The following CA10 variants were observed in gnomAD, a reference collection of about 807,000 sequenced individuals.
CA10 encodes the protein carbonic anhydrase 10 (inactive), also known as carbonic anhydrase-related protein 10.
A neutral mutation model predicts 44.2 loss-of-function variants in CA10; 14 were observed. The observed-to-expected ratio is 0.32, with a 90% CI of 0.21 to 0.50. CA10 has a LOEUF of 0.50. CA10 is among the 20% of genes least tolerant of loss of function. The pLI, the probability that CA10 is intolerant of heterozygous loss-of-function variation, is 0.99. For missense variants in CA10, 350 were observed against 409.7 expected (o/e 0.85, Z 1.26); for synonymous variants, 159 against 141.6 (o/e 1.12, Z -0.87).
At chr17:52,137,428 C>T (rs1989384024) in intron 1 of CA10, among the ~76,000 whole-genome samples, 1 of 152,154 alleles carries the variant, frequency 6.6e-6, no homozygotes, top group African/African-American at 2.4e-5. Context: ...CAGCATAATG[C>T]TTTTATGCAT....
At chr17:51,633,401 G>T in intron 8 of CA10, 75 bp downstream of exon 8, 2 of 1,323,790 alleles carry the variant, frequency 1.5e-6, no homozygotes, top group Non-Finnish European at 2.1e-6. Context: ...ATAATGCCAG[G>T]CCTTTAAGAA....
intron 2 of CA10, among the ~76,000 whole-genome samples, chr17:52,068,158 A>G (rs1268304376): frequency 6.6e-6 from 1 of 152,196 alleles, no homozygotes; most frequent in Non-Finnish European, 1.5e-5. Flanking sequence ...TCCACATTTC[A>G]AAGGAGAGAC....
intron 1 of CA10, among the ~76,000 whole-genome samples, chr17:52,142,152 C>A (rs1409459951): frequency 6.6e-6 from 1 of 152,194 alleles, no homozygotes; most frequent in Non-Finnish European, 1.5e-5. Context: ...TGCAAGGTGC[C>A]TTCACAGAAT....
intron 6 of CA10, among the ~76,000 whole-genome samples, chr17:51,641,778 A>C (rs1182673648): frequency 7.9e-6 from 1 of 126,960 alleles, no homozygotes; most frequent in East Asian, 2.2e-4. Context: ...ACTTTCCCTC[A>C]GTCTGAACTT....
intron 8 of CA10, 27 bp from the exon 9 acceptor site, chr17:51,631,633 A>C (rs761746886): frequency 2.7e-5 from 43 of 1,599,852 alleles, no homozygotes; most frequent in Non-Finnish European, 1.1e-5. Context: ...AGAAAAAAAA[A>C]ATCACACATA....
At chr17:51,721,418 T>C (rs1291619477) in intron 4 of CA10, among the ~76,000 whole-genome samples, 5 of 152,048 alleles carry the variant, frequency 3.3e-5, no homozygotes, top group Non-Finnish European at 7.4e-5. Context: ...CACTGCAACC[T>C]CTACCTCCTA....
intron 3 of CA10, among the ~76,000 whole-genome samples, chr17:51,881,103 G>T (rs181144082): frequency 0.011 from 1,637 of 152,040 alleles, 32 homozygotes; most frequent in African/African-American, 0.038. Flanking sequence ...AGCCAGGCAT[G>T]GTGGCTGGCG....
chr17:52,082,909 G>T (rs2143178948), intron 1 of CA10, among the ~76,000 whole-genome samples: 1 of 152,228 alleles, frequency 6.6e-6, no homozygotes, highest in Non-Finnish European at 1.5e-5. Context: ...ATCAGGTATA[G>T]ATTTATTCTC....
intron 3 of CA10, among the ~76,000 whole-genome samples, chr17:51,893,153 A>G (rs1471204080): frequency 6.6e-6 from 1 of 152,204 alleles, no homozygotes; most frequent in East Asian, 1.9e-4. Context: ...ATCAAAATAC[A>G]TAAACAAATA....
intron 3 of CA10, among the ~76,000 whole-genome samples, chr17:51,757,768 A>G (rs928931383): frequency 6.6e-6 from 1 of 152,214 alleles, no homozygotes; most frequent in African/African-American, 2.4e-5. Flanking sequence ...GTTTTATGCT[A>G]TGTAGCTTTC....
chr17:52,078,032 C>A (rs1987862564), intron 1 of CA10, among the ~76,000 whole-genome samples: 1 of 152,200 alleles, frequency 6.6e-6, no homozygotes, highest in Non-Finnish European at 1.5e-5. Flanking sequence ...AGGCATCACA[C>A]CAACAAGTCT....
chr17:51,691,628 A>G (rs1915197712), intron 4 of CA10, among the ~76,000 whole-genome samples: 1 of 152,138 alleles, frequency 6.6e-6, no homozygotes. Context: ...ATATAAAAAA[A>G]ATCATTGCCT....
intron 1 of CA10, among the ~76,000 whole-genome samples, chr17:52,082,126 A>C (rs1987999750): frequency 1.3e-5 from 2 of 152,230 alleles, no homozygotes. Context: ...TCGTAGGTAC[A>C]CTGGCACAGT....
At chr17:51,933,175 A>C (rs528326526) in intron 2 of CA10, among the ~76,000 whole-genome samples, 1 of 152,254 alleles carries the variant, frequency 6.6e-6, no homozygotes, top group African/African-American at 2.4e-5. Flanking sequence ...TTACTATCCT[A>C]ATCCTCAGAA....
chr17:52,068,220 T>C (rs957758781), intron 2 of CA10, among the ~76,000 whole-genome samples: 2 of 152,228 alleles, frequency 1.3e-5, no homozygotes, highest in Non-Finnish European at 2.9e-5. Flanking sequence ...GTTCTCATGA[T>C]AGTAAGTTCT....
intron 3 of CA10, among the ~76,000 whole-genome samples, chr17:51,792,333 G>A (rs920359801): frequency 1.3e-5 from 2 of 152,158 alleles, no homozygotes; most frequent in Non-Finnish European, 2.9e-5. Flanking sequence ...GGCTCAGTAA[G>A]CATTGAAACA....
intron 3 of CA10, among the ~76,000 whole-genome samples, chr17:51,869,505 A>G (rs1438134052): frequency 6.6e-6 from 1 of 152,232 alleles, no homozygotes; most frequent in Non-Finnish European, 1.5e-5. Flanking sequence ...CAGTAAACTT[A>G]ACAGGAGTCT....
chr17:52,098,683 G>T (rs1238848421), intron 1 of CA10, among the ~76,000 whole-genome samples: 2 of 152,114 alleles, frequency 1.3e-5, no homozygotes, highest in Non-Finnish European at 2.9e-5. Context: ...TAGTTTGGAG[G>T]CTAGTGACGT....
chr17:52,011,810 C>T (rs1481790364), intron 2 of CA10, among the ~76,000 whole-genome samples: 2 of 152,000 alleles, frequency 1.3e-5, no homozygotes, highest in Non-Finnish European at 2.9e-5. Flanking sequence ...ACCAGAAATA[C>T]ATGCTAATGG....
Sources: allele counts gnomAD v4.1 joint callset (sites outside exome capture counted in the v4.1 genomes callset), GRCh38; gene constraint gnomAD v4.1.1; transcripts MANE v1.5; gene names NCBI Gene and HGNC (gene_info 2026-07-23, HGNC 2026-07-21).